ASCC3: variants seen among roughly 807,000 people sequenced by gnomAD.
ASCC3 encodes the protein ASC-1 complex subunit P200.
A neutral mutation model predicts 256.3 loss-of-function variants in ASCC3; 158 were observed. The ratio of observed to expected loss-of-function variants is 0.62; its 90% CI spans 0.54 to 0.70. The LOEUF is 0.70. ASCC3 is among the 30% of genes least tolerant of loss of function. ASCC3 has a pLI of 0.00. For synonymous variants in ASCC3, 948 were observed against 883.4 expected (o/e 1.07, Z -1.30); for missense variants, 2,259 against 2,626.0 (o/e 0.86, Z 3.05).
At chr6:100,520,346 T>C (rs1774239920) in intron 37 of ASCC3, among the ~76,000 whole-genome samples, 1 of 152,094 alleles carries the variant, frequency 6.6e-6, no homozygotes, top group South Asian at 2.1e-4. Context: ...CACGTCCCCC[T>C]CTGTACACTT....
At chr6:100,550,646 C>T (rs991361285) in intron 36 of ASCC3, among the ~76,000 whole-genome samples, 2 of 151,878 alleles carry the variant, frequency 1.3e-5, no homozygotes, top group African/African-American at 2.4e-5. Context: ...GGGTTATTTG[C>T]AGGTAACTTT....
chr6:100,509,608 T>A (rs182171831), intron 41 of ASCC3, 75 bp from the exon 42 acceptor site: 1 of 1,444,992 alleles, frequency 6.9e-7, no homozygotes, highest in African/African-American at 1.4e-5. Context: ...TTCAGAACTT[T>A]GGTAGTAGGA....
At chr6:100,871,584 C>G (rs2114564127) in intron 1 of ASCC3, among the ~76,000 whole-genome samples, 1 of 152,204 alleles carries the variant, frequency 6.6e-6, no homozygotes, top group Middle Eastern at 3.4e-3. Flanking sequence ...CTGGGCAACA[C>G]AGTGAGACCC....
At chr6:100,820,825 T>C (rs1272250301) in intron 4 of ASCC3, among the ~76,000 whole-genome samples, 4 of 152,032 alleles carry the variant, frequency 2.6e-5, no homozygotes, top group African/African-American at 9.7e-5. Context: ...GAGCAAATGA[T>C]CTGAATTTCT....
chr6:100,607,175 G>C, intron 30 of ASCC3, 87 bp from the exon 31 acceptor site: 1 of 1,400,776 alleles, frequency 7.1e-7, no homozygotes, highest in Non-Finnish European at 1.0e-6. Context: ...CATTAATTTT[G>C]TCTTTATGTT....
chr6:100,833,094 T>C (rs1451848007), intron 4 of ASCC3, among the ~76,000 whole-genome samples: 1 of 152,116 alleles, frequency 6.6e-6, no homozygotes, highest in African/African-American at 2.4e-5. Context: ...TTGTACTATA[T>C]CTGTATAATG....
intron 8 of ASCC3, among the ~76,000 whole-genome samples, chr6:100,783,417 T>C (rs1365622381): frequency 6.6e-6 from 1 of 152,154 alleles, no homozygotes; most frequent in Non-Finnish European, 1.5e-5. Context: ...GATCTGTTAT[T>C]AACTGCAAGC....
chr6:100,639,861 T>A (rs1386510590), intron 24 of ASCC3, among the ~76,000 whole-genome samples: 1 of 152,168 alleles, frequency 6.6e-6, no homozygotes, highest in Non-Finnish European at 1.5e-5. Flanking sequence ...AAGCCTGTAA[T>A]CCTAGCACTT....
intron 8 of ASCC3, among the ~76,000 whole-genome samples, chr6:100,767,907 C>T (rs1406539072): frequency 6.6e-6 from 1 of 152,030 alleles, no homozygotes; most frequent in African/African-American, 2.4e-5. Flanking sequence ...TGAGCCACCG[C>T]ACCCGGCCAG....
intron 13 of ASCC3, among the ~76,000 whole-genome samples, chr6:100,701,181 A>T (rs888422426): frequency 2.0e-5 from 3 of 152,322 alleles, no homozygotes; most frequent in African/African-American, 7.2e-5. Flanking sequence ...AATCAGCTTG[A>T]TCTATGTTGA....
In ASCC3 at chr6:100,652,878, T is replaced by C. The variant is rs145548764; in HGVS notation, c.2835A>G (p.Thr945=). ...ISHKAYQIDP[T]LRKHREQLVI... is the part of the protein sequence containing the mutation. ...CCAACTGTTCTCGATGCTTTCTTAATGTTGGGTCAATCTATGGCAAAAAAT... is the reference window on the plus strand; with the variant it reads ...CCAACTGTTCTCGATGCTTTCTTAACGTTGGGTCAATCTATGGCAAAAAAT... The change falls in exon 18 of 42, where the codon ACA becomes ACG. Residue 945 remains threonine, a synonymous_variant. Coordinates refer to ENST00000369162, the MANE Select transcript of ASCC3 (RefSeq NM_006828.4). 7.5e-5 allele frequency: 121 copies of C among 1,613,880 alleles called. 1 individual carries two copies. In the African/African-American group the frequency reaches 1.4e-3, roughly 18 times the overall value.
intron 13 of ASCC3, 64 bp from the exon 14 acceptor site, chr6:100,679,816 C>T: frequency 1.3e-6 from 2 of 1,532,280 alleles, no homozygotes; most frequent in Non-Finnish European, 1.8e-6. Flanking sequence ...TAATAGTAGC[C>T]TGGATATCAT....
chr6:100,818,343 T>C (rs1381436548), intron 4 of ASCC3, among the ~76,000 whole-genome samples: 1 of 151,744 alleles, frequency 6.6e-6, no homozygotes, highest in Non-Finnish European at 1.5e-5. Flanking sequence ...CCAAGGCAAA[T>C]GCATCATGAG....
intron 10 of ASCC3, among the ~76,000 whole-genome samples, chr6:100,740,040 G>A (rs1582790352): frequency 6.6e-6 from 1 of 151,866 alleles, no homozygotes; most frequent in African/African-American, 2.4e-5. Flanking sequence ...TTAATCGGAG[G>A]TATTTCTAAC....
At chr6:100,760,783 C>T (rs1028795419) in intron 10 of ASCC3, among the ~76,000 whole-genome samples, 1 of 152,120 alleles carries the variant, frequency 6.6e-6, no homozygotes, top group Non-Finnish European at 1.5e-5. Context: ...CCAGACAGAA[C>T]AGCAGAGCGA....
chr6:100,696,858 C>A (rs1778108774), intron 13 of ASCC3, among the ~76,000 whole-genome samples: 1 of 151,700 alleles, frequency 6.6e-6, no homozygotes, highest in Non-Finnish European at 1.5e-5. Context: ...TTCAAAGGTC[C>A]TTTTATATTA....
At chr6:100,605,750 AG>A (rs771071206) in intron 32 of ASCC3, 50 bp from the exon 33 acceptor site, 1 of 1,576,646 alleles carries the variant, frequency 6.3e-7, no homozygotes, top group Non-Finnish European at 8.7e-7. Context: ...ATATAGCACA[AG>A]GTATATTTAC....
intron 13 of ASCC3, among the ~76,000 whole-genome samples, chr6:100,683,164 A>G (rs1777389680): frequency 6.6e-6 from 1 of 152,188 alleles, no homozygotes; most frequent in South Asian, 2.1e-4. Context: ...AGGAAATTTT[A>G]AGGTATTTTA....
At position 100,651,553 on chromosome 6, in the gene ASCC3, A is replaced by C; in HGVS notation, c.3075+7T>G. Reference sequence around the variant, plus strand: ...ATGCATTTGATTCAAATTTCAAGAAATCTTACCTTAATTTGATCAAATTCT... The same window carrying C: ...ATGCATTTGATTCAAATTTCAAGAACTCTTACCTTAATTTGATCAAATTCT... On this transcript the variant is annotated splice_region_variant and intron_variant, in intron 19 of 41. Coordinates refer to ENST00000369162, the MANE Select transcript of ASCC3 (RefSeq NM_006828.4). 1 of 1,540,600 alleles carries C rather than the reference A, an allele frequency of 6.5e-7. No homozygotes were observed.
Sources: gnomAD v4.1 joint callset for allele counts (sites outside exome capture counted in the v4.1 genomes callset) on GRCh38, gnomAD v4.1.1 for gene constraint, MANE v1.5 for transcripts, NCBI Gene and HGNC (gene_info 2026-07-23, HGNC 2026-07-21) for gene names.